ZNF385D: variants seen among roughly 807,000 people sequenced by gnomAD.
ZNF385D encodes zinc finger protein 659.
A neutral mutation model predicts 35.8 loss-of-function variants in ZNF385D; 15 were observed. The ratio of observed to expected loss-of-function variants is 0.42; its 90% CI spans 0.28 to 0.64. The LOEUF is 0.64. Among genes scored for constraint, ZNF385D ranks in the 30% least tolerant of loss-of-function variants. The pLI, the probability that ZNF385D is intolerant of heterozygous loss-of-function variation, is 0.23. For missense variants in ZNF385D, 474 were observed against 494.6 expected, an observed-to-expected ratio of 0.96 and a Z score of 0.39; for synonymous variants, 212 against 186.8, an observed-to-expected ratio of 1.13 and a Z score of -1.10.
intron 1 of ZNF385D, among the ~76,000 whole-genome samples, chr3:21,730,224 C>T (rs561092576): frequency 6.6e-6 from 1 of 152,136 alleles, no homozygotes; most frequent in African/African-American, 2.4e-5. Context: ...CAGCACTATA[C>T]CAGCGATGAC....
chr3:21,501,923 T>C (rs1182966970), intron 4 of ZNF385D, among the ~76,000 whole-genome samples: 1 of 152,176 alleles, frequency 6.6e-6, no homozygotes, highest in Non-Finnish European at 1.5e-5. Context: ...ACTTCTTAGG[T>C]GTTCAGCTTT....
intron 3 of ZNF385D, among the ~76,000 whole-genome samples, chr3:21,779,997 A>C (rs1186749691): frequency 6.6e-6 from 1 of 151,986 alleles, no homozygotes; most frequent in Non-Finnish European, 1.5e-5. Flanking sequence ...GCTCACTGCA[A>C]AGAATAAAGC....
intron 1 of ZNF385D, among the ~76,000 whole-genome samples, chr3:21,665,778 T>G (rs2066387263): frequency 6.6e-6 from 1 of 152,134 alleles, no homozygotes. Context: ...GCACATACAT[T>G]TGCCCCGTTA....
chr3:22,228,943 C>T (rs991468798), intron 2 of ZNF385D, among the ~76,000 whole-genome samples: 8 of 152,194 alleles, frequency 5.3e-5, no homozygotes, highest in East Asian at 1.9e-4. Flanking sequence ...CTTAGGCCTT[C>T]GGCCACAGGC....
At chr3:22,153,383 T>A (rs1705380483) in intron 3 of ZNF385D, among the ~76,000 whole-genome samples, 1 of 152,100 alleles carries the variant, frequency 6.6e-6, no homozygotes. Flanking sequence ...ACTCTGTAGT[T>A]TGTGCAATCA....
intron 3 of ZNF385D, among the ~76,000 whole-genome samples, chr3:21,880,537 C>T (rs143196481): frequency 0.012 from 1,820 of 152,024 alleles, 18 homozygotes; most frequent in Non-Finnish European, 0.018. Flanking sequence ...TTCTATCCAC[C>T]GGTCGACCCA....
At chr3:21,494,259 C>T (rs163481) in intron 4 of ZNF385D, among the ~76,000 whole-genome samples, 118,723 of 152,112 alleles carry the variant, frequency 0.78, 46,459 homozygotes, top group East Asian at 0.88. Flanking sequence ...CTTACCAGCT[C>T]CCATGCAGGT....
chr3:21,571,275 G>GTGTT (rs1205789875), intron 2 of ZNF385D, among the ~76,000 whole-genome samples: 1 of 152,024 alleles, frequency 6.6e-6, no homozygotes, highest in East Asian at 1.9e-4. Context: ...ATTCAACATT[G>GTGTT]TGTTTGTATT....
chr3:22,037,891 T>C (rs1462664071), intron 3 of ZNF385D, among the ~76,000 whole-genome samples: 1 of 152,106 alleles, frequency 6.6e-6, no homozygotes, highest in Non-Finnish European at 1.5e-5. Context: ...TATAGACCAA[T>C]GGAACAGAAC....
chr3:21,852,390 C>A (rs1696436925), intron 3 of ZNF385D, among the ~76,000 whole-genome samples: 2 of 151,800 alleles, frequency 1.3e-5, no homozygotes, highest in African/African-American at 4.8e-5. Context: ...AGGTCTTAGT[C>A]ATAAAAGAGG....
intron 3 of ZNF385D, among the ~76,000 whole-genome samples, chr3:22,159,663 G>A (rs1279715610): frequency 6.6e-6 from 1 of 152,004 alleles, no homozygotes; most frequent in Non-Finnish European, 1.5e-5. Flanking sequence ...GGTAACAAAA[G>A]CCAGAAACAT....
At chr3:22,027,237 G>A (rs1697615578) in intron 3 of ZNF385D, among the ~76,000 whole-genome samples, 1 of 152,206 alleles carries the variant, frequency 6.6e-6, no homozygotes, top group Non-Finnish European at 1.5e-5. Flanking sequence ...GGATTTTGGA[G>A]GCAACACATT....
chr3:21,473,040 G>T (rs1222683784), intron 4 of ZNF385D, among the ~76,000 whole-genome samples: 1 of 151,990 alleles, frequency 6.6e-6, no homozygotes, highest in Non-Finnish European at 1.5e-5. Context: ...TGCCTAAACT[G>T]ACGTAATCAC....
chr3:21,602,914 CCTT>C (rs760949167), intron 2 of ZNF385D, among the ~76,000 whole-genome samples: 2 of 152,260 alleles, frequency 1.3e-5, no homozygotes, highest in African/African-American at 4.8e-5. Flanking sequence ...ACTTTAAAAA[CCTT>C]CTCATCCACT....
chr3:21,502,353 A>C (rs1706440208), intron 4 of ZNF385D, among the ~76,000 whole-genome samples: 1 of 151,556 alleles, frequency 6.6e-6, no homozygotes, highest in Non-Finnish European at 1.5e-5. Context: ...TCCCTGTTCC[A>C]CTCTCCCCTG....
intron 3 of ZNF385D, among the ~76,000 whole-genome samples, chr3:22,118,579 G>C (rs929378144): frequency 2.6e-5 from 4 of 151,978 alleles, no homozygotes; most frequent in African/African-American, 9.7e-5. Context: ...CTAGTATTTT[G>C]AATTAAGCAA....
chr3:22,156,706 C>T (rs1705609934), intron 3 of ZNF385D, among the ~76,000 whole-genome samples: 1 of 152,072 alleles, frequency 6.6e-6, no homozygotes, highest in Non-Finnish European at 1.5e-5. Flanking sequence ...TTTCCTCTTC[C>T]TCACCCTTTT....
At chr3:21,490,601 T>C (rs1050065970) in intron 4 of ZNF385D, among the ~76,000 whole-genome samples, 1 of 152,182 alleles carries the variant, frequency 6.6e-6, no homozygotes, top group Non-Finnish European at 1.5e-5. Flanking sequence ...GATGTGATAT[T>C]GTGAAAAAGC....
chr3:21,862,001 C>T (rs12486502), intron 3 of ZNF385D, among the ~76,000 whole-genome samples: 10,492 of 152,128 alleles, frequency 0.069, 533 homozygotes, highest in East Asian at 0.18. Context: ...CTAACACTAA[C>T]GCTCTATCAT....
Sources: gnomAD v4.1 joint callset for allele counts (sites outside exome capture counted in the v4.1 genomes callset) on GRCh38, gnomAD v4.1.1 for gene constraint, MANE v1.5 for transcripts, NCBI Gene and HGNC (gene_info 2026-07-23, HGNC 2026-07-21) for gene names.